FBRSL1: variants seen among roughly 807,000 people sequenced by gnomAD.
FBRSL1 encodes fibrosin-1-like protein.
FBRSL1 carries 51 observed loss-of-function variants against 89.6 expected under a neutral mutation model. That is an observed-to-expected ratio of 0.57 (90% CI 0.45 to 0.72). FBRSL1 has a LOEUF of 0.72. Ranked by LOEUF, FBRSL1 falls within the 30% of genes least tolerant of loss-of-function variation. The pLI, the probability that FBRSL1 is intolerant of heterozygous loss-of-function variation, is 0.00. For missense variants in FBRSL1, 1,618 were observed against 1,451.8 expected, an observed-to-expected ratio of 1.11 and a Z score of -1.86; for synonymous variants, 779 against 681.1, an observed-to-expected ratio of 1.14 and a Z score of -2.24.
intron 1 of FBRSL1, among the ~76,000 whole-genome samples, chr12:132,495,400 A>C (rs534238806): frequency 1.3e-5 from 2 of 152,282 alleles, no homozygotes; most frequent in Admixed American, 1.3e-4. Context: ...TGGTGGTGCC[A>C]GTGGGGGCTG....
chr12:132,507,320 C>T (rs1376432179), intron 1 of FBRSL1: 1 of 985,386 alleles, frequency 1.0e-6, no homozygotes, highest in Non-Finnish European at 1.2e-6. Context: ...CTCCTCTGGA[C>T]CCTAAACTTG....
chr12:132,582,485 C>A (rs1362829311), intron 18 of FBRSL1, among the ~76,000 whole-genome samples: 1 of 150,432 alleles, frequency 6.6e-6, no homozygotes, highest in Non-Finnish European at 1.5e-5. Context: ...TCCAGCTCTG[C>A]TGAGCCCCGG....
chr12:132,503,921 A>G (rs1464223362), intron 1 of FBRSL1, among the ~76,000 whole-genome samples: 1 of 151,996 alleles, frequency 6.6e-6, no homozygotes, highest in Non-Finnish European at 1.5e-5. Flanking sequence ...CCCACTGGAG[A>G]GCAGCTTCCA....
rs2137935262 is a variant in FBRSL1, at chr12:132,572,572, C to G, written c.1480C>G (p.Leu494Val). The G allele has an allele frequency of 6.4e-7, 1 of 1,551,352 alleles. No individual in the cohort carries two copies. Among genetic ancestry groups the G allele is most frequent in the East Asian group, 2.4e-5 (1 of 40,922 alleles). Reference sequence around the variant, plus strand: ...TGCCATCCCGGGACTGCCCACCCTGCTCCCACACCCCGGCCCCTTCGGGTC... The same window carrying G: ...TGCCATCCCGGGACTGCCCACCCTGGTCCCACACCCCGGCCCCTTCGGGTC... Reference protein sequence around the residue: ...PPAIPGLPTLLPHPGPFGSLQ... With the variant: ...PPAIPGLPTLVPHPGPFGSLQ... The change falls in exon 11 of 19, where the codon CTC becomes GTC. Residue 494 changes from leucine (L) to valine (V), a missense_variant. Leu to Val is a conservative substitution (Grantham distance 32). Transcript: ENST00000680143.
intron 5 of FBRSL1, among the ~76,000 whole-genome samples, chr12:132,560,452 A>T (rs2039020187): frequency 6.6e-6 from 1 of 151,608 alleles, no homozygotes. Flanking sequence ...GGCCCGGGTC[A>T]GGGCACCCGG....
At chr12:132,520,415 G>A (rs945361676) in intron 2 of FBRSL1, among the ~76,000 whole-genome samples, 8 of 152,174 alleles carry the variant, frequency 5.3e-5, no homozygotes, top group Non-Finnish European at 7.3e-5. Flanking sequence ...CCGGAACTGG[G>A]TCACTTCCTT....
At position 132,517,779 on chromosome 12, in the gene FBRSL1, AG is replaced by A. The variant is rs2034976980; in HGVS notation, c.490-7952del. ...GGGAAACCACTGAGGGTTTTAAGCC[AG>A]GGAACAACGTGAGCTCCTGTGTTTT... On this transcript the variant is annotated intron_variant, in intron 2 of 18. Coordinates refer to ENST00000680143, the MANE Select transcript of FBRSL1 (RefSeq NM_001367871.1). 5.9e-5 allele frequency among the ~76,000 whole-genome samples: 9 copies of A among 152,264 alleles called. No homozygotes were observed. The South Asian group carries it at 1.9e-3, about 32-fold the overall frequency.
At chr12:132,509,118 G>A (rs1441097539) in intron 2 of FBRSL1, 2 of 1,185,044 alleles carry the variant, frequency 1.7e-6, no homozygotes, top group African/African-American at 1.6e-5. Context: ...GGGGTTCCGC[G>A]GGCGGTGACA....
At position 132,523,588 on chromosome 12, in the gene FBRSL1, G is replaced by T. The variant is rs149315785; in HGVS notation, c.490-2146G>T. ...TTTCCGACCCACCTCCCTTCCCATC[G>T]GCCAGGTGTCCTTGGGCAGTGAGCA... is the stretch of plus-strand genomic sequence containing the variant. On this transcript the variant is annotated intron_variant, in intron 2 of 18. Transcript: ENST00000680143. Among the ~76,000 whole-genome samples the T allele has an allele frequency of 7.7e-4, 118 of 152,272 alleles. No homozygotes were observed. The Middle Eastern group carries it at 0.02, about 26-fold the overall frequency.
chr12:132,551,693 C>A, intron 5 of FBRSL1: 1 of 414,212 alleles, frequency 2.4e-6, no homozygotes, highest in Non-Finnish European at 5.0e-6. Flanking sequence ...ACCTCTCCAC[C>A]ACCTCCCTCA....
intron 1 of FBRSL1, among the ~76,000 whole-genome samples, chr12:132,500,988 G>A (rs1034179000): frequency 4.6e-5 from 7 of 152,246 alleles, no homozygotes; most frequent in African/African-American, 1.2e-4. Context: ...TGTGGCCGGC[G>A]TGGCTGCGTG....
intron 1 of FBRSL1, among the ~76,000 whole-genome samples, chr12:132,501,133 T>TC (rs1238363572): frequency 6.6e-6 from 1 of 151,952 alleles, no homozygotes; most frequent in Non-Finnish European, 1.5e-5. Flanking sequence ...GCTACATTGG[T>TC]CCCCCTGCAA....
intron 4 of FBRSL1, among the ~76,000 whole-genome samples, chr12:132,538,829 T>G (rs1029236487): frequency 1.3e-5 from 2 of 152,070 alleles, no homozygotes; most frequent in African/African-American, 4.8e-5. Flanking sequence ...TATAGCATTT[T>G]TCTTCAGGAC....
At chr12:132,510,359 TCCCTGCCGGC>T (rs1489692338) in intron 2 of FBRSL1, 1 of 1,230,388 alleles carries the variant, frequency 8.1e-7, no homozygotes, top group Non-Finnish European at 1.0e-6. Context: ...CCCTGGGCCA[TCCCTGCCGGC>T]CCCTGCGGTC....
intron 4 of FBRSL1, among the ~76,000 whole-genome samples, chr12:132,544,827 G>T (rs2037549420): frequency 6.7e-6 from 1 of 148,458 alleles, no homozygotes; most frequent in Non-Finnish European, 1.5e-5. Flanking sequence ...TGGTGAAAAT[G>T]GTGGTGAGGA....
At chr12:132,551,368 A>G in intron 5 of FBRSL1, 1 of 452,772 alleles carries the variant, frequency 2.2e-6, no homozygotes, top group South Asian at 1.6e-5. Context: ...AGCCACAGAC[A>G]GCGTCCTGCG....
At chr12:132,497,885 G>C (rs1392648755) in intron 1 of FBRSL1, among the ~76,000 whole-genome samples, 1 of 152,216 alleles carries the variant, frequency 6.6e-6, no homozygotes, top group Non-Finnish European at 1.5e-5. Flanking sequence ...CGTGCGATGT[G>C]TGTGTTTGTG....
chr12:132,571,700 G>A (rs928174138), intron 9 of FBRSL1, among the ~76,000 whole-genome samples: 3 of 152,102 alleles, frequency 2.0e-5, no homozygotes, highest in African/African-American at 7.2e-5. Context: ...CCCACCCCAA[G>A]CTGTGCCATG....
chr12:132,552,892 T>C (rs192018670), intron 5 of FBRSL1: 1 of 160,208 alleles, frequency 6.2e-6, no homozygotes, highest in East Asian at 1.9e-4. Context: ...CACCCCGCAG[T>C]TGCTGGGCCT....
Sources: allele counts gnomAD v4.1 joint callset (sites outside exome capture counted in the v4.1 genomes callset), GRCh38; gene constraint gnomAD v4.1.1; transcripts MANE v1.5; gene names NCBI Gene and HGNC (gene_info 2026-07-23, HGNC 2026-07-21).